Variants in TBCEL observed in about 807,000 individuals in gnomAD.
TBCEL encodes tubulin-specific chaperone cofactor E-like protein.
A neutral mutation model predicts 44.2 loss-of-function variants in TBCEL; 15 were observed. The observed-to-expected ratio is 0.34, with a 90% CI of 0.23 to 0.52. TBCEL has a LOEUF of 0.52. TBCEL is among the 20% of genes least tolerant of loss of function. TBCEL has a pLI of 0.95. For synonymous variants in TBCEL, 171 were observed against 185.4 expected (o/e 0.92, Z 0.63); for missense variants, 319 against 506.3 (o/e 0.63, Z 3.55).
chr11:121,040,448 C>A (rs1031807875), intron 2 of TBCEL, among the ~76,000 whole-genome samples: 1 of 152,128 alleles, frequency 6.6e-6, no homozygotes, highest in Admixed American at 6.5e-5. Flanking sequence ...AAGGGCAGAA[C>A]GCTGCTGTGG....
At chr11:121,024,520 G>A (rs941023785) in intron 1 of TBCEL, among the ~76,000 whole-genome samples, 9 of 146,928 alleles carry the variant, frequency 6.1e-5, no homozygotes, top group African/African-American at 2.2e-4. Context: ...GAGCTGGGAG[G>A]GTCTTGGGCT....
At chr11:121,070,877 T>C (rs1200268608) in intron 8 of TBCEL, among the ~76,000 whole-genome samples, 1 of 151,318 alleles carries the variant, frequency 6.6e-6, no homozygotes, top group African/African-American at 2.4e-5. Flanking sequence ...CCCAGAGACT[T>C]AAAAACTGAG....
At chr11:121,076,902 A>G (rs1565506153) in intron 8 of TBCEL, among the ~76,000 whole-genome samples, 1 of 152,064 alleles carries the variant, frequency 6.6e-6, no homozygotes. Context: ...TTCTGCATCT[A>G]TTGAAAAGTC....
chr11:121,076,250 A>G (rs894290830), intron 8 of TBCEL, among the ~76,000 whole-genome samples: 1 of 151,964 alleles, frequency 6.6e-6, no homozygotes, highest in African/African-American at 2.4e-5. Flanking sequence ...CATTGTGTTG[A>G]ATTTATAGAA....
chr11:121,047,217 G>A (rs1300017057), intron 3 of TBCEL, among the ~76,000 whole-genome samples: 1 of 152,020 alleles, frequency 6.6e-6, no homozygotes, highest in Admixed American at 6.6e-5. Flanking sequence ...CTCTTGTTCA[G>A]ATGATAAGAT....
intron 8 of TBCEL, among the ~76,000 whole-genome samples, chr11:121,066,944 A>T (rs946132006): frequency 6.6e-6 from 1 of 152,126 alleles, no homozygotes; most frequent in Non-Finnish European, 1.5e-5. Context: ...ATTTAATGAA[A>T]TTTTTTTAAA....
chr11:121,029,478 G>A (rs892005806), intron 1 of TBCEL, among the ~76,000 whole-genome samples: 3 of 152,160 alleles, frequency 2.0e-5, no homozygotes, highest in South Asian at 4.1e-4. Flanking sequence ...GCTATTAATA[G>A]CTTCATTTTA....
At chr11:121,074,377 C>G (rs1261855515) in intron 8 of TBCEL, among the ~76,000 whole-genome samples, 1 of 152,014 alleles carries the variant, frequency 6.6e-6, no homozygotes, top group Non-Finnish European at 1.5e-5. Context: ...CAAGTGTTCA[C>G]AAAACAATAC....
chr11:121,059,923 A>T, intron 7 of TBCEL, 46 bp from the exon 8 acceptor site: 1 of 1,325,194 alleles, frequency 7.5e-7, no homozygotes, highest in Non-Finnish European at 1.1e-6. Context: ...AAAGCTAAAT[A>T]TATTAGTATC....
chr11:121,066,509 T>C (rs1441322651), intron 8 of TBCEL, among the ~76,000 whole-genome samples: 1 of 152,120 alleles, frequency 6.6e-6, no homozygotes, highest in Non-Finnish European at 1.5e-5. Context: ...ATATCTACTA[T>C]AGTACCTGTT....
intron 2 of TBCEL, among the ~76,000 whole-genome samples, 179 bp from the exon 3 acceptor site, chr11:121,045,495 T>C (rs1482925771): frequency 6.6e-6 from 1 of 152,176 alleles, no homozygotes; most frequent in Non-Finnish European, 1.5e-5. Context: ...CATTTGTATA[T>C]GTAGCTTCCC....
At chr11:121,028,134 T>C (rs574403953) in intron 1 of TBCEL, among the ~76,000 whole-genome samples, 1 of 152,100 alleles carries the variant, frequency 6.6e-6, no homozygotes, top group East Asian at 1.9e-4. Context: ...GCCTCAGAGG[T>C]TGAGGCTTCA....
rs76542392 is a variant in TBCEL, at chr11:121,046,660, T to C, written c.133+837T>C. On this transcript the variant is annotated intron_variant, in intron 3 of 8. Transcript: ENST00000683345. Reference sequence around the variant, plus strand: ...AAGTAGCAAGTTGAAAACCATGTAATTTGAGGTCTCCATTAATAAAGTACT... The same window carrying C: ...AAGTAGCAAGTTGAAAACCATGTAACTTGAGGTCTCCATTAATAAAGTACT... Among the ~76,000 whole-genome samples the C allele has an allele frequency of 3.1e-3, 473 of 152,152 alleles. 2 individuals are homozygous for C. The highest frequency in any genetic ancestry group is 5.9e-3 in the Non-Finnish European group (398 of 67,970).
In TBCEL at chr11:121,070,835, A is replaced by T. The variant is rs79511239; in HGVS notation, c.956+10750A>T. Among the ~76,000 whole-genome samples the T allele has an allele frequency of 4.9e-3, 559 of 113,464 alleles. 2 individuals carry two copies. Among genetic ancestry groups the T allele is most frequent in the African/African-American group, 6.2e-3 (165 of 26,590 alleles). 74.4% of individuals were successfully genotyped at this position (113,464 alleles called of 152,430 possible). ...ATGTACCCTAGACCTTAAAGTATTTAAAAAAAAAAAAAAGGCAGCAGCTGA... is the reference window on the plus strand; with the variant it reads ...ATGTACCCTAGACCTTAAAGTATTTTAAAAAAAAAAAAAGGCAGCAGCTGA... On this transcript the variant is annotated intron_variant, in intron 8 of 8. Transcript: ENST00000683345.
chr11:121,048,240 A>G, intron 4 of TBCEL, among the ~76,000 whole-genome samples: 1 of 151,860 alleles, frequency 6.6e-6, no homozygotes. Context: ...GAGAATATAT[A>G]TAAATATATT....
At chr11:121,068,898 A>AT (rs1198879754) in intron 8 of TBCEL, among the ~76,000 whole-genome samples, 1 of 151,686 alleles carries the variant, frequency 6.6e-6, no homozygotes, top group African/African-American at 2.4e-5. Flanking sequence ...AAAAAAAAAA[A>AT]AAAACAGACA....
intron 8 of TBCEL, among the ~76,000 whole-genome samples, chr11:121,062,933 T>C (rs1945751092): frequency 6.6e-6 from 1 of 152,174 alleles, no homozygotes; most frequent in African/African-American, 2.4e-5. Flanking sequence ...TCATGAGTGC[T>C]GAAAATAATC....
At chr11:121,078,693 T>C (rs2135009336) in intron 8 of TBCEL, among the ~76,000 whole-genome samples, 2 of 152,300 alleles carry the variant, frequency 1.3e-5, no homozygotes, top group South Asian at 2.1e-4. Flanking sequence ...TTCCCCTGCC[T>C]CCCATGAAGC....
chr11:121,076,150 A>G (rs548448065), intron 8 of TBCEL, among the ~76,000 whole-genome samples: 1 of 152,056 alleles, frequency 6.6e-6, no homozygotes, highest in African/African-American at 2.4e-5. Flanking sequence ...TTTCAGCATG[A>G]TTTAAGCTGT....
Sources: gnomAD v4.1 joint callset for allele counts (sites outside exome capture counted in the v4.1 genomes callset) on GRCh38, gnomAD v4.1.1 for gene constraint, MANE v1.5 for transcripts, NCBI Gene and HGNC (gene_info 2026-07-23, HGNC 2026-07-21) for gene names.